Variants in BICC1 observed in about 807,000 individuals in gnomAD.
BICC1 encodes the protein protein bicaudal C homolog 1.
In BICC1, 43 loss-of-function variants were observed where a neutral mutation model predicts 111.0. The observed-to-expected ratio is 0.39, with a 90% CI of 0.30 to 0.50. BICC1 has a LOEUF of 0.50. BICC1 is among the 20% of genes least tolerant of loss of function. The pLI, the probability that BICC1 is intolerant of heterozygous loss-of-function variation, is 0.88. For synonymous variants in BICC1, 467 were observed against 434.4 expected, an observed-to-expected ratio of 1.07 and a Z score of -0.93; for missense variants, 1,091 against 1,203.2, an observed-to-expected ratio of 0.91 and a Z score of 1.38.
chr10:58,740,197 A>G (rs2132599688), intron 3 of BICC1, among the ~76,000 whole-genome samples: 1 of 152,330 alleles, frequency 6.6e-6, no homozygotes, highest in Non-Finnish European at 1.5e-5. Flanking sequence ...GGTAGCTATT[A>G]CTATGACCAG....
chr10:58,745,318 A>G (rs1841797803), intron 3 of BICC1, among the ~76,000 whole-genome samples: 1 of 152,170 alleles, frequency 6.6e-6, no homozygotes, highest in African/African-American at 2.4e-5. Context: ...AACTTGTCAC[A>G]GTATCTTCAA....
intron 3 of BICC1, among the ~76,000 whole-genome samples, chr10:58,728,489 C>CT (rs1217945871): frequency 2.6e-5 from 4 of 152,116 alleles, no homozygotes; most frequent in Non-Finnish European, 5.9e-5. Context: ...TGCAGCTACT[C>CT]TCTTTACTGA....
chr10:58,777,110 T>A (rs905601261), intron 3 of BICC1, among the ~76,000 whole-genome samples: 2 of 151,454 alleles, frequency 1.3e-5, no homozygotes, highest in Non-Finnish European at 2.9e-5. Flanking sequence ...TGTTGATTAT[T>A]TCATCTGGTA....
intron 1 of BICC1, among the ~76,000 whole-genome samples, chr10:58,518,853 C>A (rs1368099006): frequency 6.6e-6 from 1 of 152,118 alleles, no homozygotes; most frequent in Non-Finnish European, 1.5e-5. Context: ...GGCAGTAAAA[C>A]CTCACGCTCA....
chr10:58,550,390 C>G (rs952526208), intron 1 of BICC1, among the ~76,000 whole-genome samples: 1 of 152,250 alleles, frequency 6.6e-6, no homozygotes, highest in East Asian at 1.9e-4. Context: ...TTTGGTTTGT[C>G]ATTTCATTCT....
At chr10:58,557,768 T>G (rs1302479086) in intron 1 of BICC1, among the ~76,000 whole-genome samples, 1 of 152,076 alleles carries the variant, frequency 6.6e-6, no homozygotes, top group East Asian at 1.9e-4. Flanking sequence ...CACAGTAACC[T>G]TTTTTTAATG....
At chr10:58,818,003 G>A (rs1053099649) in intron 19 of BICC1, among the ~76,000 whole-genome samples, 6 of 152,112 alleles carry the variant, frequency 3.9e-5, no homozygotes, top group Non-Finnish European at 8.8e-5. Context: ...TAGATTCCTA[G>A]GAATTTTTGT....
intron 1 of BICC1, among the ~76,000 whole-genome samples, chr10:58,550,574 G>A (rs572774358): frequency 1.3e-5 from 2 of 152,012 alleles, no homozygotes; most frequent in Non-Finnish European, 2.9e-5. Context: ...TGCATTTTAT[G>A]TCTAGGTTTA....
At position 58,793,499 on chromosome 10, in the gene BICC1, G is replaced by A. The variant is rs771299201; in HGVS notation, c.1063G>A (p.Val355Met). ...CATTTTCTAGGGTTGTCTTCCTCTT[G>A]TGTTGATGTTTGATATGAAGGAAGA... ...RQYLMGCLPL[V>M]LMFDMKEEIE... The change falls in exon 9 of 21, where the codon GTG becomes ATG. Residue 355 changes from valine (V) to methionine (M), a missense_variant. Physicochemically the swap from Val to Met is conservative, Grantham distance 21. Transcript: ENST00000373886. The A allele has an allele frequency of 6.2e-7, 1 of 1,611,850 alleles. No individual in the cohort carries two copies. Among genetic ancestry groups the A allele is most frequent in the Non-Finnish European group, 8.5e-7 (1 of 1,178,778 alleles).
intron 3 of BICC1, among the ~76,000 whole-genome samples, chr10:58,777,343 C>G (rs1842774776): frequency 6.6e-6 from 1 of 152,066 alleles, no homozygotes; most frequent in African/African-American, 2.4e-5. Context: ...GAGAATAGTT[C>G]TAATAGCCCA....
intron 3 of BICC1, among the ~76,000 whole-genome samples, chr10:58,737,773 C>T (rs1479247127): frequency 6.6e-6 from 1 of 152,194 alleles, no homozygotes; most frequent in Non-Finnish European, 1.5e-5. Flanking sequence ...TTTTAATGAT[C>T]ACCATTCTAA....
At chr10:58,586,904 T>C (rs1844449476) in intron 1 of BICC1, among the ~76,000 whole-genome samples, 1 of 152,196 alleles carries the variant, frequency 6.6e-6, no homozygotes, top group Middle Eastern at 3.2e-3. Context: ...TATGAACTTG[T>C]AGCCAGGTTC....
At chr10:58,735,782 A>G (rs1426943380) in intron 3 of BICC1, among the ~76,000 whole-genome samples, 1 of 152,240 alleles carries the variant, frequency 6.6e-6, no homozygotes, top group Non-Finnish European at 1.5e-5. Flanking sequence ...GATATTTACT[A>G]AATTGTAATC....
chr10:58,516,354 A>G (rs1334013574), intron 1 of BICC1, among the ~76,000 whole-genome samples: 1 of 152,198 alleles, frequency 6.6e-6, no homozygotes, highest in Non-Finnish European at 1.5e-5. Context: ...CCAAAAATTC[A>G]GTGAGGTTAA....
Position 58,537,940 on chromosome 10 carries a change from A to C in BICC1, c.190+24607A>C, listed in dbSNP as rs565686900. ...GGAAGTGAAACATCTGTACAAGGAG[A>C]ACTACAAAATACTGCTAAATAAATC... On this transcript the variant is annotated intron_variant, in intron 1 of 20. Transcript: ENST00000373886. Among the ~76,000 whole-genome samples the C allele has an allele frequency of 3.9e-5, 6 of 152,076 alleles. No individual in the cohort carries two copies. In the East Asian group the frequency reaches 1.2e-3, roughly 29 times the overall value.
chr10:58,715,005 G>A (rs1401034262), intron 3 of BICC1, among the ~76,000 whole-genome samples: 1 of 151,812 alleles, frequency 6.6e-6, no homozygotes, highest in African/African-American at 2.4e-5. Flanking sequence ...AACCCGGGAG[G>A]TGGAGTGAGC....
chr10:58,613,157 C>G (rs906757080), intron 1 of BICC1, among the ~76,000 whole-genome samples: 3 of 152,138 alleles, frequency 2.0e-5, no homozygotes, highest in African/African-American at 4.8e-5. Flanking sequence ...CAGCCAGCCA[C>G]GTTTCAGTAG....
chr10:58,514,954 AT>A (rs1842202652), intron 1 of BICC1, among the ~76,000 whole-genome samples: 1 of 152,254 alleles, frequency 6.6e-6, no homozygotes, highest in African/African-American at 2.4e-5. Flanking sequence ...AGTTTTCTAC[AT>A]TAGTTTGGAG....
At chr10:58,535,482 G>A (rs1034466818) in intron 1 of BICC1, among the ~76,000 whole-genome samples, 1 of 151,686 alleles carries the variant, frequency 6.6e-6, no homozygotes, top group Admixed American at 6.6e-5. Context: ...GCAAAACTAA[G>A]TTTCATAAAT....
Sources: allele counts gnomAD v4.1 joint callset (sites outside exome capture counted in the v4.1 genomes callset), GRCh38; gene constraint gnomAD v4.1.1; transcripts MANE v1.5; gene names NCBI Gene and HGNC (gene_info 2026-07-23, HGNC 2026-07-21).